TANC2: variants seen among roughly 807,000 people sequenced by gnomAD.
The protein encoded by TANC2 is tetratricopeptide repeat, ankyrin repeat and coiled-coil containing 2, also known as protein TANC2.
Under a neutral mutation model 210.5 loss-of-function variants are expected in TANC2, and 26 were observed. The ratio of observed to expected loss-of-function variants is 0.12; its 90% CI spans 0.09 to 0.17. The LOEUF is 0.17. Ranked by LOEUF, TANC2 falls within the 10% of genes least tolerant of loss-of-function variation. The pLI, the probability that TANC2 is intolerant of heterozygous loss-of-function variation, is 1.00. For synonymous variants in TANC2, 931 were observed against 967.1 expected (o/e 0.96, Z 0.69); for missense variants, 2,129 against 2,608.9 (o/e 0.82, Z 4.01).
At chr17:62,988,073 G>A (rs2032663894) in intron 1 of TANC2, among the ~76,000 whole-genome samples, 1 of 152,046 alleles carries the variant, frequency 6.6e-6, no homozygotes, top group South Asian at 2.1e-4. Context: ...TACAAGATAA[G>A]GGACAGATAT....
intron 7 of TANC2, among the ~76,000 whole-genome samples, chr17:63,222,830 C>T (rs996834891): frequency 2.6e-5 from 4 of 152,058 alleles, no homozygotes; most frequent in Admixed American, 2.0e-4. Flanking sequence ...ACAGATACTA[C>T]ATGAATGTTC....
intron 8 of TANC2, among the ~76,000 whole-genome samples, chr17:63,253,368 A>G (rs929497650): frequency 5.3e-5 from 8 of 152,164 alleles, no homozygotes; most frequent in African/African-American, 1.7e-4. Flanking sequence ...TAGTTTGCAC[A>G]TATTTTCTCC....
rs188190360 is a variant in TANC2, at chr17:63,015,238, G to A, written c.67+5612G>A. Among the ~76,000 whole-genome samples the A allele has an allele frequency of 9.2e-5, 14 of 151,872 alleles. No individual in the cohort carries two copies. In the East Asian group the frequency reaches 1.5e-3, roughly 17 times the overall value. The stretch of plus-strand genomic sequence containing the variant: ...GTCTTAATTTGTCTTTTAAATAGCT[G>A]ATCTGAATTTTTCTGTGGGCCACTA... On this transcript the variant is annotated intron_variant, in intron 2 of 27. Coordinates refer to ENST00000689528, the Ensembl canonical transcript of TANC2.
At chr17:63,098,400 C>G (rs1282827962) in intron 3 of TANC2, among the ~76,000 whole-genome samples, 1 of 147,912 alleles carries the variant, frequency 6.8e-6, no homozygotes, top group African/African-American at 2.5e-5. Context: ...GTTTTGCTAT[C>G]TCCACTTTCA....
In TANC2 at chr17:63,032,360, G is replaced by C. The variant is rs540996790; in HGVS notation, c.67+22734G>C. On this transcript the variant is annotated intron_variant, in intron 2 of 27. Transcript: ENST00000689528. ...GTGATCATCTCAGCTTGGGTTAGCT[G>C]CCTATCCCAGTGCAAATCATCTATG... 5.9e-5 allele frequency among the ~76,000 whole-genome samples: 9 copies of C among 152,242 alleles called. No homozygotes were observed. In the East Asian group the frequency reaches 1.7e-3, roughly 29 times the overall value.
intron 9 of TANC2, among the ~76,000 whole-genome samples, chr17:63,309,788 C>G (rs1348808619): frequency 6.6e-6 from 1 of 152,064 alleles, no homozygotes; most frequent in Non-Finnish European, 1.5e-5. Context: ...ATGGGAGACT[C>G]ACAATTAACT....
At chr17:63,289,709 CT>C (rs1239200599) in intron 9 of TANC2, among the ~76,000 whole-genome samples, 1 of 152,156 alleles carries the variant, frequency 6.6e-6, no homozygotes, top group African/African-American at 2.4e-5. Context: ...CACCCTGTCT[CT>C]TCACATTGTG....
chr17:63,117,352 G>A (rs143880150), intron 4 of TANC2, among the ~76,000 whole-genome samples: 177 of 152,142 alleles, frequency 1.2e-3, no homozygotes, highest in African/African-American at 4.2e-3. Flanking sequence ...TTATCCTAAT[G>A]GAATCATACA....
chr17:63,228,657 G>A (rs973281389), intron 7 of TANC2, among the ~76,000 whole-genome samples: 8 of 152,110 alleles, frequency 5.3e-5, no homozygotes, highest in African/African-American at 1.9e-4. Context: ...CCTCTTGTTA[G>A]CGGTGTTCCT....
At chr17:63,184,989 GA>G (rs2040927690) in intron 5 of TANC2, among the ~76,000 whole-genome samples, 2 of 149,410 alleles carry the variant, frequency 1.3e-5, no homozygotes, top group African/African-American at 4.9e-5. Flanking sequence ...TTTTTTTTTG[GA>G]GGGGGGGTTG....
At chr17:63,253,138 C>G (rs2043099392) in intron 8 of TANC2, among the ~76,000 whole-genome samples, 1 of 152,156 alleles carries the variant, frequency 6.6e-6, no homozygotes, top group African/African-American at 2.4e-5. Context: ...TTGCTTGTCT[C>G]TTGGATAAAA....
At chr17:62,974,245 A>G (rs895328918) in intron 1 of TANC2, among the ~76,000 whole-genome samples, 8 of 152,320 alleles carry the variant, frequency 5.3e-5, no homozygotes, top group Admixed American at 6.5e-5. Flanking sequence ...CACCCTTATT[A>G]CATCTAACAC....
At chr17:63,388,029 G>A (rs886955199) in intron 15 of TANC2, 3 of 152,508 alleles carry the variant, frequency 2.0e-5, no homozygotes, top group African/African-American at 4.8e-5. Flanking sequence ...CTCCTTCCGT[G>A]TAGTAGTTCT....
chr17:63,371,635 A>G (rs1373007843), intron 14 of TANC2, among the ~76,000 whole-genome samples: 1 of 152,246 alleles, frequency 6.6e-6, no homozygotes, highest in Non-Finnish European at 1.5e-5. Flanking sequence ...ATTTGTTAGC[A>G]TGTTTTGGTA....
rs567002444 is a variant in TANC2 at position 63,136,588 on chromosome 17, C to A, written c.323-14682C>A. On this transcript the variant is annotated intron_variant, in intron 4 of 27. Transcript: ENST00000689528. ...AGGATATAGCAGTATATAAAACAGA[C>A]AAAGGCTCTACCTTTTGTCAGCCAC... is the stretch of plus-strand genomic sequence containing the variant. Among the ~76,000 whole-genome samples, 3 of 152,260 alleles carry A rather than the reference C, an allele frequency of 2.0e-5. No homozygotes were observed. In the East Asian group the frequency reaches 5.8e-4, roughly 29 times the overall value.
At position 62,966,501 on chromosome 17, in the gene TANC2, CGCCGA is replaced by C. The variant is rs966129734; in HGVS notation, c.-260_-256del. Among the ~76,000 whole-genome samples the C allele has an allele frequency of 6.7e-6, 1 of 149,058 alleles. No individual in the cohort carries two copies. Among genetic ancestry groups the C allele is most frequent in the Non-Finnish European group, 1.5e-5 (1 of 66,776 alleles). On this transcript the variant is annotated 5_prime_UTR_variant, in exon 1 of 28. Transcript: ENST00000689528. This position sits in a 1 kb window ranked among gnomAD's most constrained non-coding sequence, Gnocchi z 5.1. ...CTAGGCGGAGCGAGGCGCCCGCCGC[CGCCGA>C]GCCGAGCCGAGGGGCGAGAGCTGGC...
chr17:63,098,098 A>G (rs2037456916), intron 3 of TANC2, among the ~76,000 whole-genome samples: 1 of 151,996 alleles, frequency 6.6e-6, no homozygotes, highest in South Asian at 2.1e-4. Flanking sequence ...TCTGGTTTAT[A>G]TGGCTTCTGT....
rs1228034065 is a variant in TANC2 at position 63,099,165 on chromosome 17, C to T, written c.140-10C>T. The T allele has an allele frequency of 6.2e-7, 1 of 1,609,978 alleles. No individual in the cohort carries two copies. Among genetic ancestry groups the T allele is most frequent in the Non-Finnish European group, 8.5e-7 (1 of 1,178,026 alleles). On this transcript the variant is annotated splice_polypyrimidine_tract_variant and intron_variant, in intron 3 of 27. Coordinates refer to ENST00000689528, the Ensembl canonical transcript of TANC2. ...CTCACCAGCTCTTTTGTTCCATCCCCTTCTAACAGGTGGCATCTCCACAGA... is the reference window on the plus strand; with the variant it reads ...CTCACCAGCTCTTTTGTTCCATCCCTTTCTAACAGGTGGCATCTCCACAGA...
At chr17:63,355,788 C>A (rs779187669) in intron 14 of TANC2, among the ~76,000 whole-genome samples, 18 of 151,990 alleles carry the variant, frequency 1.2e-4, no homozygotes, top group Non-Finnish European at 2.1e-4. Flanking sequence ...TTTTTATTGC[C>A]CTTTTATAAA....
Sources: allele counts gnomAD v4.1 joint callset (sites outside exome capture counted in the v4.1 genomes callset), GRCh38; gene constraint gnomAD v4.1.1; non-coding constraint Gnocchi (gnomAD v3.1); transcripts MANE v1.5; gene names NCBI Gene and HGNC (gene_info 2026-07-23, HGNC 2026-07-21).